The following RPS6KC1 variants were observed in gnomAD, a reference collection of about 807,000 sequenced individuals.
RPS6KC1 encodes the protein ribosomal protein S6 kinase C1.
Under a neutral mutation model 103.8 loss-of-function variants are expected in RPS6KC1, and 54 were observed. The observed-to-expected ratio is 0.52, with a 90% CI of 0.42 to 0.65. RPS6KC1 has a LOEUF of 0.65. Among genes scored for constraint, RPS6KC1 ranks in the 30% least tolerant of loss-of-function variants. The probability of loss-of-function intolerance (pLI) is 0.00; values close to 1 mark genes in which losing one functional copy is unlikely to be tolerated. For synonymous variants in RPS6KC1, 439 were observed against 438.7 expected (o/e 1.00, Z -0.01); for missense variants, 1,151 against 1,253.8 (o/e 0.92, Z 1.24).
the RPS6KC1 span, among the ~76,000 whole-genome samples, chr1:213,468,601 G>A: frequency 2.0e-5 from 3 of 152,162 alleles, no homozygotes; most frequent in African/African-American, 7.2e-5. Flanking sequence ...ACAAACTTAC[G>A]AATTAATCCA....
chr1:213,706,427 AC>A, the RPS6KC1 span, among the ~76,000 whole-genome samples: 1 of 152,086 alleles, frequency 6.6e-6, no homozygotes, highest in South Asian at 2.1e-4. Flanking sequence ...GCAACATGCC[AC>A]CTCTGCTGGG....
At chr1:213,176,046 G>C (rs911574563) in intron 7 of RPS6KC1, among the ~76,000 whole-genome samples, 2 of 152,118 alleles carry the variant, frequency 1.3e-5, no homozygotes, top group Non-Finnish European at 2.9e-5. Flanking sequence ...ATATAAGACT[G>C]GGATTGATTG....
intron 6 of RPS6KC1, among the ~76,000 whole-genome samples, chr1:213,147,711 T>A (rs751255315): frequency 2.6e-5 from 4 of 152,206 alleles, no homozygotes; most frequent in Non-Finnish European, 5.9e-5. Flanking sequence ...ATTTTAGTGT[T>A]GTTTTTCTAT....
the RPS6KC1 span, among the ~76,000 whole-genome samples, chr1:213,309,169 C>T: frequency 1.4e-3 from 206 of 152,224 alleles, no homozygotes; most frequent in African/African-American, 4.7e-3. Context: ...GTGGCACACG[C>T]CTGTAGTCCC....
chr1:213,833,067 G>A, the RPS6KC1 span, among the ~76,000 whole-genome samples: 3 of 152,186 alleles, frequency 2.0e-5, no homozygotes. Context: ...CCAGCCTTCA[G>A]CAGACAAGCT....
At chr1:213,722,165 G>A in the RPS6KC1 span, among the ~76,000 whole-genome samples, 1 of 152,036 alleles carries the variant, frequency 6.6e-6, no homozygotes, top group Admixed American at 6.6e-5. Context: ...TCACCAGAAG[G>A]CTACATGAGG....
At chr1:213,631,930 C>T in the RPS6KC1 span, among the ~76,000 whole-genome samples, 3 of 152,186 alleles carry the variant, frequency 2.0e-5, no homozygotes, top group Non-Finnish European at 2.9e-5. Flanking sequence ...CTTTTCCTAC[C>T]CCTGGCAAAC....
At chr1:213,727,525 C>T in the RPS6KC1 span, among the ~76,000 whole-genome samples, 1 of 152,096 alleles carries the variant, frequency 6.6e-6, no homozygotes, top group African/African-American at 2.4e-5. Context: ...ATAAGAAGTG[C>T]TTCTAGTATG....
At chr1:213,750,789 G>A in the RPS6KC1 span, among the ~76,000 whole-genome samples, 3 of 152,134 alleles carry the variant, frequency 2.0e-5, no homozygotes, top group Non-Finnish European at 4.4e-5. Context: ...CCCACATATG[G>A]TTGAGTTCCA....
At chr1:213,760,999 G>A in the RPS6KC1 span, among the ~76,000 whole-genome samples, 1 of 151,520 alleles carries the variant, frequency 6.6e-6, no homozygotes, top group Non-Finnish European at 1.5e-5. Flanking sequence ...AGGTCACAAA[G>A]CATGGAACAA....
At chr1:213,514,884 A>G in the RPS6KC1 span, among the ~76,000 whole-genome samples, 3 of 152,162 alleles carry the variant, frequency 2.0e-5, no homozygotes, top group Admixed American at 6.5e-5. Context: ...CATCCTCTCC[A>G]GCACCTGTTG....
chr1:213,769,677 G>T, the RPS6KC1 span, among the ~76,000 whole-genome samples: 3 of 151,974 alleles, frequency 2.0e-5, no homozygotes, highest in Non-Finnish European at 4.4e-5. Flanking sequence ...TTTTGGAAAA[G>T]GGCAGGAATG....
chr1:213,489,368 A>G, the RPS6KC1 span, among the ~76,000 whole-genome samples: 9 of 152,284 alleles, frequency 5.9e-5, no homozygotes, highest in East Asian at 1.4e-3. Context: ...GGAGTATCCA[A>G]TGGGAGTGGG....
the RPS6KC1 span, among the ~76,000 whole-genome samples, chr1:213,652,308 A>G: frequency 6.6e-6 from 1 of 152,168 alleles, no homozygotes; most frequent in Non-Finnish European, 1.5e-5. Flanking sequence ...GGTGGTGACC[A>G]TTAGTGTCCC....
At chr1:213,810,509 AT>A in the RPS6KC1 span, among the ~76,000 whole-genome samples, 1 of 152,220 alleles carries the variant, frequency 6.6e-6, no homozygotes, top group African/African-American at 2.4e-5. Context: ...TCTTTCTGAC[AT>A]ATCAAAGTGA....
chr1:213,242,729 G>A, intron 12 of RPS6KC1, 71 bp downstream of exon 12: 4 of 1,148,706 alleles, frequency 3.5e-6, no homozygotes, highest in Non-Finnish European at 5.1e-6. Context: ...TATAGAAGTT[G>A]TATTTTTGTA....
the RPS6KC1 span, among the ~76,000 whole-genome samples, chr1:213,653,002 C>T: frequency 6.6e-6 from 1 of 152,202 alleles, no homozygotes; most frequent in Non-Finnish European, 1.5e-5. Flanking sequence ...ATGTCTGGTA[C>T]ATAGCACTTT....
the RPS6KC1 span, among the ~76,000 whole-genome samples, chr1:213,564,293 T>C: frequency 1.3e-5 from 2 of 152,220 alleles, no homozygotes; most frequent in Non-Finnish European, 2.9e-5. Context: ...AATTTATTGC[T>C]TCTTAGCTCT....
At chr1:213,583,835 AAAAG>A in the RPS6KC1 span, among the ~76,000 whole-genome samples, 4,560 of 122,180 alleles carry the variant, frequency 0.037, 100 homozygotes, top group East Asian at 0.082. Context: ...AAAAAAAAAA[AAAAG>A]AAAAAAGAAA....
Sources: allele counts gnomAD v4.1 joint callset (sites outside exome capture counted in the v4.1 genomes callset), GRCh38; gene constraint gnomAD v4.1.1; transcripts MANE v1.5; gene names NCBI Gene and HGNC (gene_info 2026-07-23, HGNC 2026-07-21).